The following ACSM1 variants were observed in gnomAD, a reference collection of about 807,000 sequenced individuals.
The protein encoded by ACSM1 is acyl-coenzyme A synthetase ACSM1, mitochondrial.
In ACSM1, 79 loss-of-function variants were observed where a neutral mutation model predicts 75.8. The ratio of observed to expected loss-of-function variants is 1.04; its 90% CI spans 0.87 to 1.26. The LOEUF is 1.26. ACSM1 is among the 50% of genes most tolerant of loss of function. The pLI is 0.00. For missense variants in ACSM1, 676 were observed against 720.1 expected (o/e 0.94, Z 0.70); for synonymous variants, 279 against 265.8 (o/e 1.05, Z -0.48).
At chr16:20,647,653 A>T (rs1403057897) in intron 7 of ACSM1, among the ~76,000 whole-genome samples, 1 of 152,174 alleles carries the variant, frequency 6.6e-6, no homozygotes, top group Non-Finnish European at 1.5e-5. Context: ...AAAAGAGGCC[A>T]ACTTTTATGC....
chr16:20,641,792 G>T (rs541346728), intron 7 of ACSM1, among the ~76,000 whole-genome samples: 69 of 152,292 alleles, frequency 4.5e-4, no homozygotes, highest in Non-Finnish European at 7.5e-4. Flanking sequence ...CCAATGTGGG[G>T]TGATGAAGAC....
At chr16:20,695,094 C>T (rs2079682416) in intron 1 of ACSM1, among the ~76,000 whole-genome samples, 1 of 152,058 alleles carries the variant, frequency 6.6e-6, no homozygotes, top group South Asian at 2.1e-4. Flanking sequence ...GGCATCATCT[C>T]ACAAATGTGT....
chr16:20,652,113 C>G (rs2018679527), intron 7 of ACSM1, among the ~76,000 whole-genome samples: 1 of 152,018 alleles, frequency 6.6e-6, no homozygotes, highest in Admixed American at 6.5e-5. Context: ...AAATTCACAG[C>G]TATAAAAATC....
At chr16:20,668,415 G>A (rs2019696011) in intron 6 of ACSM1, among the ~76,000 whole-genome samples, 1 of 152,112 alleles carries the variant, frequency 6.6e-6, no homozygotes, top group Non-Finnish European at 1.5e-5. Context: ...CTTGTTTGTG[G>A]TGCTTTAAGT....
At chr16:20,635,578 CTTTTTCTTTCTTTCTTTCTT>C (rs1567251508) in intron 10 of ACSM1, among the ~76,000 whole-genome samples, 2 of 145,814 alleles carry the variant, frequency 1.4e-5, no homozygotes, top group African/African-American at 2.6e-5. Flanking sequence ...TTTAATTTTT[CTTTTTCTTTCTTTCTTTCTT>C]TCTTTCTTTC....
At chr16:20,691,751 A>ATGTG (rs59929923) in intron 1 of ACSM1, among the ~76,000 whole-genome samples, 7,008 of 133,628 alleles carry the variant, frequency 0.052, 230 homozygotes, top group East Asian at 0.078. Context: ...TACCTCTCCA[A>ATGTG]TGTGTGTGTG....
chr16:20,667,159 T>C (rs1007715896), intron 6 of ACSM1, among the ~76,000 whole-genome samples: 1 of 152,074 alleles, frequency 6.6e-6, no homozygotes, highest in African/African-American at 2.4e-5. Context: ...GTAAACAGCT[T>C]ACAGAGTGGG....
At chr16:20,665,974 A>G (rs1316358601) in intron 6 of ACSM1, among the ~76,000 whole-genome samples, 1 of 152,128 alleles carries the variant, frequency 6.6e-6, no homozygotes, top group Non-Finnish European at 1.5e-5. Context: ...AGGCATTGAA[A>G]GAACATACCT....
chr16:20,684,245 TA>T lies in ACSM1; in HGVS notation c.403+947del, dbSNP rs569274945. On this transcript the variant is annotated intron_variant, in intron 3 of 13. Coordinates refer to ENST00000520010, the MANE Select transcript of ACSM1 (RefSeq NM_001318890.3). ...ACCAACATGGTAATATTCAATTAGG[TA>T]AAGAATCATCACTAGGTACTCAAAC... Among the ~76,000 whole-genome samples the T allele has an allele frequency of 1.8e-3, 275 of 152,294 alleles. No individual in the cohort carries two copies. In the Middle Eastern group the frequency reaches 0.02, roughly 11 times the overall value.
At chr16:20,676,481 A>G (rs1388238590) in intron 4 of ACSM1, among the ~76,000 whole-genome samples, 1 of 152,234 alleles carries the variant, frequency 6.6e-6, no homozygotes, top group Non-Finnish European at 1.5e-5. Flanking sequence ...TGGTGGACAC[A>G]GCATTTGTAA....
At position 20,672,353 on chromosome 16, in the gene ACSM1, C is replaced by G. The variant is rs1377799795; in HGVS notation, c.612-682G>C. 4.2e-5 allele frequency among the ~76,000 whole-genome samples: 6 copies of G among 143,190 alleles called. No individual in the cohort carries two copies. In the East Asian group the frequency reaches 1.3e-3, roughly 30 times the overall value. The allele number at this position is 143,190 out of a possible 152,430, so 93.9% of individuals were successfully genotyped here. Reference sequence around the variant, plus strand: ...CTCCCAGCTACTCGGGAGGCTGAGCCAGGAGATTAGTTGTGAACCTGGGAG... The same window carrying G: ...CTCCCAGCTACTCGGGAGGCTGAGCGAGGAGATTAGTTGTGAACCTGGGAG... On this transcript the variant is annotated intron_variant, in intron 4 of 13. Coordinates refer to ENST00000520010, the MANE Select transcript of ACSM1 (RefSeq NM_001318890.3).
intron 7 of ACSM1, among the ~76,000 whole-genome samples, chr16:20,656,460 C>T (rs75043788): frequency 0.014 from 2,061 of 152,022 alleles, 49 homozygotes; most frequent in African/African-American, 0.048. Context: ...CCCACCCCAC[C>T]GAGTGGAAAT....
chr16:20,634,040 T>C (rs1352902368), intron 10 of ACSM1, among the ~76,000 whole-genome samples: 1 of 152,172 alleles, frequency 6.6e-6, no homozygotes, highest in Non-Finnish European at 1.5e-5. Flanking sequence ...AGACAGATCA[T>C]TGCAATAGAA....
At chr16:20,637,502 C>G (rs2017798055) in intron 8 of ACSM1, 51 bp from the exon 9 acceptor site, 1 of 1,464,036 alleles carries the variant, frequency 6.8e-7, no homozygotes, top group African/African-American at 1.4e-5. Context: ...CCAGGCTGAT[C>G]ACAAAGCAGT....
At chr16:20,646,335 C>T (rs540879748) in intron 7 of ACSM1, among the ~76,000 whole-genome samples, 2 of 152,294 alleles carry the variant, frequency 1.3e-5, no homozygotes, top group South Asian at 2.1e-4. Context: ...GCCCACTGCC[C>T]GAGGGGACGA....
intron 6 of ACSM1, 74 bp from the exon 7 acceptor site, chr16:20,661,947 G>T (rs1320954682): frequency 6.4e-6 from 6 of 938,362 alleles, no homozygotes; most frequent in Admixed American, 1.9e-5. Flanking sequence ...TAGCAGTCTA[G>T]TTCTGACCTT....
chr16:20,686,931 AG>A (rs2079563642), intron 2 of ACSM1, among the ~76,000 whole-genome samples: 2 of 152,080 alleles, frequency 1.3e-5, no homozygotes, highest in Admixed American at 6.5e-5. Flanking sequence ...AAATTTAAAA[AG>A]GAAAAAAATG....
rs559429333 is a variant in ACSM1 at position 20,697,652 on chromosome 16, C to G, written c.-68G>C. Reference sequence around the variant, plus strand: ...CTGTCTTACCTGGTACTGTTTAGGACGTAGCTGAACTAGGTCCCTGGTAGG... The same window carrying G: ...CTGTCTTACCTGGTACTGTTTAGGAGGTAGCTGAACTAGGTCCCTGGTAGG... On this transcript the variant is annotated 5_prime_UTR_variant, in exon 1 of 14. Transcript: ENST00000520010. The G allele has an allele frequency of 6.6e-6, 1 of 151,688 alleles. No homozygotes were observed. The highest frequency in any genetic ancestry group is 1.5e-5 in the Non-Finnish European group (1 of 68,258). 9.4% of individuals were successfully genotyped at this position (151,688 alleles called of 1,614,324 possible).
In ACSM1 at chr16:20,669,912, A is replaced by G. The variant is rs2019799692; in HGVS notation, c.827T>C (p.Ile276Thr). The change falls in exon 6 of 14, where the codon ATT (isoleucine) becomes ACT (threonine). Residue 276 changes from isoleucine to threonine, a missense_variant. Transcript: ENST00000520010. The stretch of plus-strand genomic sequence containing the variant: ...TGTCCATGGTTCTACCAGGGTCCAA[A>G]TGGTAGCCACAATCCATCCTGAGTC... ...LSDSGWIVAT[I>T]WTLVEPWTAG... 1.2e-6 allele frequency: 2 copies of G among 1,613,782 alleles called. No homozygotes were observed. The highest frequency in any genetic ancestry group is 1.7e-6 in the Non-Finnish European group (2 of 1,179,914).
Sources: allele counts gnomAD v4.1 joint callset (sites outside exome capture counted in the v4.1 genomes callset), GRCh38; gene constraint gnomAD v4.1.1; transcripts MANE v1.5; gene names NCBI Gene and HGNC (gene_info 2026-07-23, HGNC 2026-07-21).